Variants in ANKS1B observed in about 807,000 individuals in gnomAD.
ANKS1B encodes the protein ankyrin repeat and sterile alpha motif domain containing 1B.
In ANKS1B, 36 loss-of-function variants were observed where a neutral mutation model predicts 148.3. The observed-to-expected ratio is 0.24, with a 90% CI of 0.19 to 0.32. The LOEUF (loss-of-function observed/expected upper bound fraction) is 0.32, where lower values mean the gene tolerates loss of function less well. ANKS1B is among the 10% of genes least tolerant of loss of function. The pLI is 1.00. For missense variants in ANKS1B, 1,157 were observed against 1,542.6 expected (o/e 0.75, Z 4.19); for synonymous variants, 542 against 560.8 (o/e 0.97, Z 0.47).
At chr12:99,139,833 A>T (rs1301602129) in intron 15 of ANKS1B, among the ~76,000 whole-genome samples, 1 of 152,024 alleles carries the variant, frequency 6.6e-6, no homozygotes, top group East Asian at 1.9e-4. Flanking sequence ...ATGAATGGAT[A>T]ACCCTCCTGG....
intron 17 of ANKS1B, among the ~76,000 whole-genome samples, chr12:98,890,638 G>A (rs1473615821): frequency 6.6e-6 from 1 of 152,134 alleles, no homozygotes; most frequent in African/African-American, 2.4e-5. Flanking sequence ...TTACAACTAC[G>A]TGCAAGTCAT....
intron 15 of ANKS1B, among the ~76,000 whole-genome samples, chr12:99,132,420 T>G (rs2066404358): frequency 6.6e-6 from 1 of 151,658 alleles, no homozygotes; most frequent in South Asian, 2.1e-4. Flanking sequence ...ATGAGAGGAC[T>G]GCTTGAGCCC....
intron 16 of ANKS1B, among the ~76,000 whole-genome samples, chr12:99,066,487 G>C (rs985362894): frequency 2.0e-5 from 3 of 152,174 alleles, no homozygotes; most frequent in African/African-American, 7.2e-5. Flanking sequence ...TGTGCACAGA[G>C]AAGAGAGGGA....
At chr12:99,423,864 G>A (rs557639345) in intron 11 of ANKS1B, among the ~76,000 whole-genome samples, 2 of 152,110 alleles carry the variant, frequency 1.3e-5, no homozygotes, top group East Asian at 1.9e-4. Flanking sequence ...GGAGGGAGAG[G>A]ATCAGGAAAA....
intron 11 of ANKS1B, among the ~76,000 whole-genome samples, chr12:99,419,201 G>A (rs7131971): frequency 0.17 from 25,118 of 152,014 alleles, 2,425 homozygotes; most frequent in African/African-American, 0.27. Flanking sequence ...TTCTTTAAAT[G>A]TTGTTATAAT....
intron 10 of ANKS1B, among the ~76,000 whole-genome samples, chr12:99,460,568 C>T (rs1421526280): frequency 1.3e-5 from 2 of 151,918 alleles, no homozygotes; most frequent in South Asian, 2.1e-4. Flanking sequence ...AAAACAGTCT[C>T]ATCAAAAATT....
intron 8 of ANKS1B, among the ~76,000 whole-genome samples, chr12:99,674,988 C>A (rs2098555652): frequency 6.6e-6 from 1 of 151,798 alleles, no homozygotes; most frequent in South Asian, 2.1e-4. Flanking sequence ...TACAATTGAC[C>A]ACTGATCATA....
In ANKS1B at chr12:99,753,016, T is replaced by C. The variant is rs535159432; in HGVS notation, c.1128+19906A>G. ...TTTGAAACAATGACTGATTCATTGT[T>C]AAACTGCATGATTATATAGTATAAA... On this transcript the variant is annotated intron_variant, in intron 8 of 26. Transcript: ENST00000683438. 1.2e-4 allele frequency among the ~76,000 whole-genome samples: 19 copies of C among 152,268 alleles called. 1 individual carries two copies. The highest frequency in any genetic ancestry group is 4.1e-4 in the African/African-American group (17 of 41,578).
chr12:99,399,475 C>T (rs748296464), intron 12 of ANKS1B, among the ~76,000 whole-genome samples, 156 bp downstream of exon 12: 9 of 152,092 alleles, frequency 5.9e-5, no homozygotes, highest in East Asian at 1.9e-4. Context: ...AATATTACAG[C>T]CACACTGACA....
At chr12:98,940,750 A>T (rs2099835425) in intron 17 of ANKS1B, among the ~76,000 whole-genome samples, 1 of 152,214 alleles carries the variant, frequency 6.6e-6, no homozygotes, top group East Asian at 1.9e-4. Context: ...AATGAGATAC[A>T]CAAGAACATA....
intron 15 of ANKS1B, among the ~76,000 whole-genome samples, chr12:99,100,236 T>A (rs1233248149): frequency 2.0e-5 from 3 of 152,178 alleles, no homozygotes; most frequent in Non-Finnish European, 4.4e-5. Flanking sequence ...ATCATTTCCA[T>A]TTTTAGTTTT....
At chr12:99,454,592 G>A (rs911293120) in intron 10 of ANKS1B, among the ~76,000 whole-genome samples, 16 of 152,112 alleles carry the variant, frequency 1.1e-4, no homozygotes, top group African/African-American at 3.9e-4. Context: ...CTTTACTTTT[G>A]TTTCCTCCTC....
chr12:99,908,696 C>G (rs1181359155), intron 1 of ANKS1B, among the ~76,000 whole-genome samples: 1 of 152,184 alleles, frequency 6.6e-6, no homozygotes, highest in East Asian at 1.9e-4. Context: ...CCTAGTTTCC[C>G]TAATATACAA....
chr12:99,947,370 T>C (rs1243542960), intron 1 of ANKS1B, among the ~76,000 whole-genome samples: 1 of 151,882 alleles, frequency 6.6e-6, no homozygotes, highest in Non-Finnish European at 1.5e-5. Flanking sequence ...CTAGTCATCA[T>C]GAAGCCATTT....
At chr12:99,945,832 C>T (rs146972866) in intron 1 of ANKS1B, among the ~76,000 whole-genome samples, 1 of 152,186 alleles carries the variant, frequency 6.6e-6, no homozygotes, top group Admixed American at 6.5e-5. Flanking sequence ...GACATCATAA[C>T]TGATGTTCAC....
At chr12:98,987,288 A>C (rs1045469337) in intron 17 of ANKS1B, among the ~76,000 whole-genome samples, 1 of 151,904 alleles carries the variant, frequency 6.6e-6, no homozygotes, top group South Asian at 2.1e-4. Flanking sequence ...TTTTAACTTC[A>C]TTAAAAATTA....
At position 99,803,315 on chromosome 12, in the gene ANKS1B, A is replaced by C. The variant is rs576398196; in HGVS notation, c.669+3089T>G. On this transcript the variant is annotated intron_variant, in intron 4 of 26. Transcript: ENST00000683438. Reference sequence around the variant, plus strand: ...AAAAGGCAATGAGACCAAAAAAAAAACCAACATATTTTCTATGAACAAAGC... The same window carrying C: ...AAAAGGCAATGAGACCAAAAAAAAACCCAACATATTTTCTATGAACAAAGC... Among the ~76,000 whole-genome samples the C allele has an allele frequency of 1.5e-4, 22 of 146,550 alleles. 1 individual carries two copies. The highest frequency in any genetic ancestry group is 3.4e-3 in the Middle Eastern group (1 of 292).
At chr12:99,392,100 G>C (rs1258588921) in intron 12 of ANKS1B, among the ~76,000 whole-genome samples, 6 of 152,144 alleles carry the variant, frequency 3.9e-5, no homozygotes, top group Non-Finnish European at 8.8e-5. Context: ...CTCCATATCA[G>C]CTTGCCCCGA....
chr12:99,961,142 T>C (rs769732122), intron 1 of ANKS1B, among the ~76,000 whole-genome samples: 8 of 152,038 alleles, frequency 5.3e-5, no homozygotes, highest in Non-Finnish European at 1.0e-4. Flanking sequence ...GGCAGGAGAA[T>C]TGTTTGAACC....
Sources: allele counts gnomAD v4.1 joint callset (sites outside exome capture counted in the v4.1 genomes callset), GRCh38; gene constraint gnomAD v4.1.1; transcripts MANE v1.5; gene names NCBI Gene and HGNC (gene_info 2026-07-23, HGNC 2026-07-21).